The following ABTB3 variants were observed in gnomAD, a reference collection of about 807,000 sequenced individuals.
ABTB3 encodes the protein ankyrin repeat- and BTB/POZ domain-containing protein 3.
At chr12:107,497,315 C>T in the ABTB3 span, among the ~76,000 whole-genome samples, 39 of 151,506 alleles carry the variant, frequency 2.6e-4, no homozygotes, top group Non-Finnish European at 4.4e-4. Context: ...ACCACCATCA[C>T]CATCACCACC....
At chr12:107,569,328 TG>T in the ABTB3 span, among the ~76,000 whole-genome samples, 258 of 152,340 alleles carry the variant, frequency 1.7e-3, 1 homozygote, top group African/African-American at 5.8e-3. Flanking sequence ...AGAGAATTTT[TG>T]TAAGGATAAA....
chr12:107,466,079 C>G, the ABTB3 span, among the ~76,000 whole-genome samples: 306 of 152,182 alleles, frequency 2.0e-3, no homozygotes, highest in African/African-American at 6.9e-3. Flanking sequence ...TATCATTTTA[C>G]CTGCTGCCTT....
At chr12:107,349,550 AC>A in the ABTB3 span, among the ~76,000 whole-genome samples, 2 of 152,056 alleles carry the variant, frequency 1.3e-5, no homozygotes, top group Non-Finnish European at 2.9e-5. Flanking sequence ...AGGTTATTTA[AC>A]CTCTCTGAGT....
At chr12:107,423,899 A>T in the ABTB3 span, among the ~76,000 whole-genome samples, 12 of 152,124 alleles carry the variant, frequency 7.9e-5, no homozygotes, top group African/African-American at 2.4e-5. Flanking sequence ...CACTTCCCTG[A>T]GTTGTTTTCT....
chr12:107,469,989 TTTCTTTC>T, the ABTB3 span, among the ~76,000 whole-genome samples: 1 of 103,150 alleles, frequency 9.7e-6, no homozygotes, highest in Non-Finnish European at 1.8e-5. Context: ...TCTTTCTTTC[TTTCTTTC>T]TTTCTTTCTT....
the ABTB3 span, among the ~76,000 whole-genome samples, chr12:107,484,709 T>A: frequency 6.6e-6 from 1 of 151,918 alleles, no homozygotes; most frequent in Non-Finnish European, 1.5e-5. Flanking sequence ...GTCAATAATC[T>A]CAGTCAGCAA....
At chr12:107,379,486 C>T in the ABTB3 span, among the ~76,000 whole-genome samples, 1 of 152,144 alleles carries the variant, frequency 6.6e-6, no homozygotes, top group Non-Finnish European at 1.5e-5. Flanking sequence ...GTAAGACGTG[C>T]CTTTGCTCCT....
the ABTB3 span, among the ~76,000 whole-genome samples, chr12:107,546,360 C>T: frequency 6.6e-6 from 1 of 152,198 alleles, no homozygotes; most frequent in African/African-American, 2.4e-5. Flanking sequence ...CCTCCTTTCT[C>T]CCCAGGCTCT....
At chr12:107,508,482 C>T in the ABTB3 span, among the ~76,000 whole-genome samples, 4 of 87,876 alleles carry the variant, frequency 4.6e-5, no homozygotes, top group Non-Finnish European at 6.9e-5. Context: ...GACAGAGTCT[C>T]GCCCTGTCAC....
chr12:107,514,166 G>C, the ABTB3 span, among the ~76,000 whole-genome samples: 1 of 152,204 alleles, frequency 6.6e-6, no homozygotes, highest in Non-Finnish European at 1.5e-5. Context: ...ACAGAGGGCA[G>C]CTGCAGGATG....
chr12:107,485,523 G>A, the ABTB3 span, among the ~76,000 whole-genome samples: 541 of 152,214 alleles, frequency 3.6e-3, 6 homozygotes, highest in African/African-American at 0.012. Flanking sequence ...CTGTTTGTGT[G>A]TGTCTCTCTG....
the ABTB3 span, among the ~76,000 whole-genome samples, chr12:107,334,420 G>A: frequency 2.0e-5 from 3 of 152,252 alleles, no homozygotes; most frequent in African/African-American, 7.2e-5. Context: ...AATGAGGGGG[G>A]TTAAGGAAGA....
At chr12:107,492,204 A>C in the ABTB3 span, among the ~76,000 whole-genome samples, 1 of 152,266 alleles carries the variant, frequency 6.6e-6, no homozygotes, top group East Asian at 1.9e-4. Context: ...TAGATATCTG[A>C]GAGTGGAAGG....
the ABTB3 span, among the ~76,000 whole-genome samples, chr12:107,636,061 G>T: frequency 6.6e-6 from 1 of 152,172 alleles, no homozygotes; most frequent in Non-Finnish European, 1.5e-5. Context: ...ACCCCAAGAG[G>T]CAGGCACTGT....
At chr12:107,432,449 C>A in the ABTB3 span, among the ~76,000 whole-genome samples, 1 of 152,174 alleles carries the variant, frequency 6.6e-6, no homozygotes, top group Non-Finnish European at 1.5e-5. Flanking sequence ...TTAGGGATGC[C>A]CTGGCTTTCC....
At chr12:107,376,120 G>T in the ABTB3 span, among the ~76,000 whole-genome samples, 1 of 152,044 alleles carries the variant, frequency 6.6e-6, no homozygotes, top group Non-Finnish European at 1.5e-5. Context: ...CTTCTGTCTG[G>T]TATTTGCTCC....
At chr12:107,455,861 C>T in the ABTB3 span, among the ~76,000 whole-genome samples, 2 of 152,098 alleles carry the variant, frequency 1.3e-5, no homozygotes, top group Non-Finnish European at 2.9e-5. Flanking sequence ...CAGGCCTATT[C>T]GCATGGCCAT....
chr12:107,634,052 T>C, the ABTB3 span, among the ~76,000 whole-genome samples: 1 of 152,136 alleles, frequency 6.6e-6, no homozygotes, highest in Non-Finnish European at 1.5e-5. Context: ...GAAAGTTGAG[T>C]CTCTTTGTCC....
chr12:107,492,840 C>T, the ABTB3 span, among the ~76,000 whole-genome samples: 1 of 152,138 alleles, frequency 6.6e-6, no homozygotes, highest in Non-Finnish European at 1.5e-5. Flanking sequence ...TGTTTATGAG[C>T]TTTGTGCCCT....
Sources: allele counts gnomAD v4.1 joint callset (sites outside exome capture counted in the v4.1 genomes callset), GRCh38; gene constraint gnomAD v4.1.1; transcripts MANE v1.5; gene names NCBI Gene and HGNC (gene_info 2026-07-23, HGNC 2026-07-21).